The following MRPL3 variants were observed in gnomAD, a reference collection of about 807,000 sequenced individuals.
MRPL3 encodes the protein mitochondrial ribosomal protein L3.
A neutral mutation model predicts 44.3 loss-of-function variants in MRPL3; 43 were observed. That is an observed-to-expected ratio of 0.97 (90% CI 0.76 to 1.25). The LOEUF (loss-of-function observed/expected upper bound fraction) is 1.25. Ranked by LOEUF, MRPL3 falls within the 50% of genes most tolerant of loss-of-function variation. MRPL3 has a pLI of 0.00. For synonymous variants in MRPL3, 171 were observed against 152.3 expected, an observed-to-expected ratio of 1.12 and a Z score of -0.91; for missense variants, 406 against 427.6, an observed-to-expected ratio of 0.95 and a Z score of 0.45.
At chr3:131,491,212 T>A (rs190525751) in intron 4 of MRPL3, among the ~76,000 whole-genome samples, 36 of 152,278 alleles carry the variant, frequency 2.4e-4, no homozygotes, top group Non-Finnish European at 3.7e-4. Flanking sequence ...AATCAGCACT[T>A]TCAGCTCCTA....
At chr3:131,488,199 T>C (rs1934172985) in intron 5 of MRPL3, among the ~76,000 whole-genome samples, 1 of 152,176 alleles carries the variant, frequency 6.6e-6, no homozygotes, top group African/African-American at 2.4e-5. Flanking sequence ...ATGGTATGTA[T>C]GACATCTATA....
At chr3:131,467,235 C>T (rs931062085) in intron 9 of MRPL3, among the ~76,000 whole-genome samples, 11 of 143,176 alleles carry the variant, frequency 7.7e-5, no homozygotes, top group South Asian at 2.2e-4. Context: ...TTCAGCCATA[C>T]GCGCGCACAC....
chr3:131,498,519 G>A (rs1347296352), intron 3 of MRPL3, among the ~76,000 whole-genome samples: 5 of 151,506 alleles, frequency 3.3e-5, no homozygotes, highest in Non-Finnish European at 7.4e-5. Context: ...TGGCTAACAC[G>A]GTGAAACCCC....
intron 5 of MRPL3, chr3:131,488,667 A>G (rs1186319663): frequency 2.0e-5 from 3 of 152,124 alleles, no homozygotes; most frequent in Non-Finnish European, 4.4e-5. Context: ...AAACCACTGT[A>G]GTAGAGAATG....
chr3:131,500,656 T>C, intron 2 of MRPL3, 135 bp from the exon 3 acceptor site: 1 of 682,662 alleles, frequency 1.5e-6, no homozygotes, highest in Admixed American at 2.3e-5. Context: ...ATTCACAGAG[T>C]AAAGTAGGAC....
rs1244431826 is a variant in MRPL3, at chr3:131,500,524, G to C, written c.278-3C>G. The C allele has an allele frequency of 6.2e-7, 1 of 1,612,402 alleles. No individual in the cohort carries two copies. The highest frequency in any genetic ancestry group is 8.5e-7 in the Non-Finnish European group (1 of 1,179,022). ...AATAAGACCAACTCTAAAGGAACCT[G>C]GCAATTAAAACCAAAGCAATGTGAA... On this transcript the variant is annotated splice_polypyrimidine_tract_variant and splice_region_variant and intron_variant, in intron 2 of 9. Transcript: ENST00000264995.
chr3:131,468,939 T>C (rs1197805093), intron 8 of MRPL3, among the ~76,000 whole-genome samples: 1 of 152,056 alleles, frequency 6.6e-6, no homozygotes, highest in Non-Finnish European at 1.5e-5. Context: ...TTGGGTATTG[T>C]TCTTATTGGT....
chr3:131,478,626 C>T (rs1933908260), intron 6 of MRPL3, among the ~76,000 whole-genome samples: 1 of 151,954 alleles, frequency 6.6e-6, no homozygotes, highest in South Asian at 2.1e-4. Context: ...ACCCTTCATA[C>T]TACATTGTCT....
rs1036587285 is a variant in MRPL3, at chr3:131,462,514, T to G, written c.*209A>C. The G allele has an allele frequency of 2.5e-6, 1 of 393,264 alleles. No individual in the cohort carries two copies. Among genetic ancestry groups the G allele is most frequent in the Non-Finnish European group, 4.4e-6 (1 of 228,020 alleles). 24.4% of individuals were successfully genotyped at this position (393,264 alleles called of 1,614,324 possible). ...TATGCCCAACACCAATTTCAGCAAA[T>G]CCAATCTACTTAACTCATATATTTA... On this transcript the variant is annotated 3_prime_UTR_variant, in exon 10 of 10. Transcript: ENST00000264995.
chr3:131,501,844 C>CT, intron 1 of MRPL3, 129 bp from the exon 2 acceptor site: 1 of 1,566,696 alleles, frequency 6.4e-7, no homozygotes. Flanking sequence ...TTCTGTATAC[C>CT]TTTTTTTCAG....
In MRPL3 at chr3:131,462,569, G is replaced by T; in HGVS notation, c.*154C>A. 1 of 551,036 alleles carries T rather than the reference G, an allele frequency of 1.8e-6. No homozygotes were observed. The allele number at this position is 551,036 out of a possible 1,614,324, so 34.1% of individuals were successfully genotyped here. On this transcript the variant is annotated 3_prime_UTR_variant, in exon 10 of 10. Transcript: ENST00000264995. ...GGTAATTTTTCTAACAAAATTTAAT[G>T]GGGGTATGAATGATATATTTATGCC...
chr3:131,476,283 T>C (rs902396044), intron 6 of MRPL3, among the ~76,000 whole-genome samples: 1 of 152,110 alleles, frequency 6.6e-6, no homozygotes, highest in Non-Finnish European at 1.5e-5. Flanking sequence ...GACAAATTAT[T>C]GGCTGAATTC....
intron 6 of MRPL3, among the ~76,000 whole-genome samples, chr3:131,473,845 A>G (rs544910579): frequency 1.3e-5 from 2 of 152,244 alleles, no homozygotes; most frequent in South Asian, 4.1e-4. Context: ...ATGCAAATCA[A>G]AACCACAATG....
chr3:131,468,894 G>A (rs1160625001), intron 8 of MRPL3, among the ~76,000 whole-genome samples: 1 of 151,972 alleles, frequency 6.6e-6, no homozygotes, highest in East Asian at 1.9e-4. Flanking sequence ...TAGAGACTGG[G>A]AGGATATGCA....
chr3:131,463,279 C>T (rs1933530624), intron 9 of MRPL3, among the ~76,000 whole-genome samples: 1 of 151,942 alleles, frequency 6.6e-6, no homozygotes, highest in Non-Finnish European at 1.5e-5. Context: ...AAAAATATCA[C>T]CTCTTATTAA....
intron 6 of MRPL3, among the ~76,000 whole-genome samples, chr3:131,480,345 T>C (rs1478881895): frequency 1.3e-5 from 2 of 152,194 alleles, no homozygotes; most frequent in Admixed American, 6.5e-5. Context: ...ATGGTGGAAT[T>C]TTCCAGTTGC....
chr3:131,483,018 G>C (rs1934027121), intron 6 of MRPL3, among the ~76,000 whole-genome samples: 1 of 142,534 alleles, frequency 7.0e-6, no homozygotes, highest in Non-Finnish European at 1.5e-5. Context: ...GTTATAATAA[G>C]CACCACCAGA....
intron 6 of MRPL3, among the ~76,000 whole-genome samples, chr3:131,482,222 A>C (rs538422916): frequency 6.6e-6 from 1 of 152,066 alleles, no homozygotes; most frequent in East Asian, 1.9e-4. Context: ...CCCTCCCCTT[A>C]ATTTTTATTA....
Position 131,502,919 on chromosome 3 carries a change from T to TG in MRPL3, c.-99dup, listed in dbSNP as rs1216715354. On this transcript the variant is annotated 5_prime_UTR_variant, in exon 1 of 10. Transcript: ENST00000264995. ...CACCGCCACGTGGACGCAGTAGCCG[T>TG]GGGGAAGTTTTCGCAATGGCCGCCG... 1 of 1,199,550 alleles carries TG rather than the reference T, an allele frequency of 8.3e-7. No individual in the cohort carries two copies. Among genetic ancestry groups the TG allele is most frequent in the Non-Finnish European group, 1.2e-6 (1 of 828,340 alleles). 74.3% of individuals were successfully genotyped at this position (1,199,550 alleles called of 1,614,324 possible). A position where few individuals can be genotyped will look rare whatever the true frequency, so the allele number is the denominator to read the frequency against.
Sources: gnomAD v4.1 joint callset for allele counts (sites outside exome capture counted in the v4.1 genomes callset) on GRCh38, gnomAD v4.1.1 for gene constraint, MANE v1.5 for transcripts, NCBI Gene and HGNC (gene_info 2026-07-23, HGNC 2026-07-21) for gene names.